LYRM7: variants seen among roughly 807,000 people sequenced by gnomAD.
The protein encoded by LYRM7 is complex III assembly factor LYRM7.
LYRM7 carries 9 observed loss-of-function variants against 15.8 expected under a neutral mutation model. The observed-to-expected ratio is 0.57, with a 90% CI of 0.34 to 0.99. The LOEUF (loss-of-function observed/expected upper bound fraction) is 0.99. Ranked by LOEUF, LYRM7 falls within the 50% of genes least tolerant of loss-of-function variation. The probability of loss-of-function intolerance (pLI) is 0.02; values close to 1 mark genes in which losing one functional copy is unlikely to be tolerated. For synonymous variants in LYRM7, 39 were observed against 39.4 expected, an observed-to-expected ratio of 0.99 and a Z score of 0.04; for missense variants, 115 against 119.1, an observed-to-expected ratio of 0.97 and a Z score of 0.16.
chr5:131,181,386 AT>A (rs1334019869), intron 2 of LYRM7, among the ~76,000 whole-genome samples: 1 of 97,728 alleles, frequency 1.0e-5, no homozygotes, highest in Non-Finnish European at 1.7e-5. Flanking sequence ...TATATAATAT[AT>A]ACATATATAT....
At position 131,180,169 on chromosome 5, in the gene LYRM7, T is replaced by G; in HGVS notation, c.91+2T>G. The G allele has an allele frequency of 1.2e-6, 2 of 1,604,620 alleles. No homozygotes were observed. Among genetic ancestry groups the G allele is most frequent in the Non-Finnish European group, 1.7e-6 (2 of 1,171,532 alleles). On this transcript the variant is annotated splice_donor_variant, in intron 2 of 4. Coordinates refer to ENST00000379380, the MANE Select transcript of LYRM7 (RefSeq NM_181705.4). LOFTEE classifies it high-confidence loss of function. ...AAAATGATGCCAGAGCATTAGAAGG[T>G]AAGTATGTTCTTTACCCCTTTGGAG...
intron 2 of LYRM7, 40 bp from the exon 3 acceptor site, chr5:131,182,189 T>A (rs1233777764): frequency 7.4e-7 from 1 of 1,353,362 alleles, no homozygotes; most frequent in South Asian, 1.3e-5. Flanking sequence ...GAATTATAGA[T>A]TACAAAAGCG....
At chr5:131,191,177 A>G (rs1755881060) in intron 4 of LYRM7, among the ~76,000 whole-genome samples, 1 of 151,784 alleles carries the variant, frequency 6.6e-6, no homozygotes, top group African/African-American at 2.4e-5. Flanking sequence ...ATATATGTAT[A>G]CACACATATA....
At chr5:131,188,644 T>G (rs1755834919) in intron 4 of LYRM7, among the ~76,000 whole-genome samples, 1 of 152,214 alleles carries the variant, frequency 6.6e-6, no homozygotes, top group Non-Finnish European at 1.5e-5. Flanking sequence ...ATGTTCTGAA[T>G]ATAGAAATTT....
chr5:131,183,172 T>G (rs1347101683), intron 3 of LYRM7, among the ~76,000 whole-genome samples: 1 of 152,162 alleles, frequency 6.6e-6, no homozygotes, highest in Non-Finnish European at 1.5e-5. Context: ...GAAAATGCTA[T>G]TTTTGAAATA....
rs1476114475 is a variant in LYRM7 at position 131,202,486 on chromosome 5, T to G, written c.*2885T>G. 2 of 152,040 alleles carry G rather than the reference T, an allele frequency of 1.3e-5. No homozygotes were observed. The highest frequency in any genetic ancestry group is 2.4e-5 in the African/African-American group (1 of 41,394). 9.4% of individuals were successfully genotyped at this position (152,040 alleles called of 1,614,324 possible). On this transcript the variant is annotated 3_prime_UTR_variant, in exon 5 of 5. Transcript: ENST00000379380. The stretch of plus-strand genomic sequence containing the variant: ...TCCAGCCTGAGAGAACAAGACTCCG[T>G]CTCAAAAAAAGAAAAAAAGAAAACT...
intron 4 of LYRM7, among the ~76,000 whole-genome samples, chr5:131,198,159 T>TA (rs1245748830): frequency 6.6e-6 from 1 of 152,096 alleles, no homozygotes. Context: ...TTAGAGTATA[T>TA]TTTTTTAAGA....
rs952632477 is a variant in LYRM7, at chr5:131,190,165, G to C, written c.244+3056G>C. Among the ~76,000 whole-genome samples, 3 of 151,162 alleles carry C rather than the reference G, an allele frequency of 2.0e-5. No homozygotes were observed. In the South Asian group the frequency reaches 6.3e-4, roughly 32 times the overall value. On this transcript the variant is annotated intron_variant, in intron 4 of 4. Coordinates refer to ENST00000379380, the MANE Select transcript of LYRM7 (RefSeq NM_181705.4). ...AAAAAAAAAAGAAAAGAAAAAAAAAGAAATTATTAGATCTGAGTTATGGTT... is the reference window on the plus strand; with the variant it reads ...AAAAAAAAAAGAAAAGAAAAAAAAACAAATTATTAGATCTGAGTTATGGTT...
chr5:131,175,524 G>GTTTGT (rs367920351), intron 1 of LYRM7, among the ~76,000 whole-genome samples: 2,998 of 151,348 alleles, frequency 0.02, 95 homozygotes, highest in African/African-American at 0.066. Flanking sequence ...GGGTGTGTTT[G>GTTTGT]TTTGTTTTGT....
At chr5:131,197,286 A>G (rs1360968136) in intron 4 of LYRM7, among the ~76,000 whole-genome samples, 1 of 152,208 alleles carries the variant, frequency 6.6e-6, no homozygotes, top group African/African-American at 2.4e-5. Flanking sequence ...AAGTGAAACA[A>G]ATTATTGCCA....
chr5:131,191,428 A>G (rs1349437072), intron 4 of LYRM7, among the ~76,000 whole-genome samples: 1 of 152,154 alleles, frequency 6.6e-6, no homozygotes, highest in Non-Finnish European at 1.5e-5. Flanking sequence ...TAATAAAATG[A>G]AACTTCATTT....
At position 131,180,160 on chromosome 5, in the gene LYRM7, A is replaced by C; in HGVS notation, c.84A>C (p.Ala28=). The C allele has an allele frequency of 6.2e-7, 1 of 1,608,578 alleles. No individual in the cohort carries two copies. Residue 28 remains alanine, a synonymous_variant, in exon 2 of 5, where the codon GCA becomes GCC. Transcript: ENST00000379380. The part of the protein sequence containing the change: ...RQQVFKNDAR[A]LEAARIKINE... ...AAGTTTTTAAAAATGATGCCAGAGC[A>C]TTAGAAGGTAAGTATGTTCTTTACC...
At chr5:131,195,909 G>A (rs1032145948) in intron 4 of LYRM7, among the ~76,000 whole-genome samples, 2 of 152,072 alleles carry the variant, frequency 1.3e-5, no homozygotes, top group African/African-American at 4.8e-5. Context: ...CTCCACCTTA[G>A]AACAATGAGG....
chr5:131,181,151 C>T (rs1386821946), intron 2 of LYRM7, among the ~76,000 whole-genome samples: 1 of 148,712 alleles, frequency 6.7e-6, no homozygotes, highest in Non-Finnish European at 1.5e-5. Flanking sequence ...ATTAGCCGGG[C>T]ATGGTGGCAC....
intron 1 of LYRM7, among the ~76,000 whole-genome samples, chr5:131,176,005 C>G (rs971473068): frequency 2.0e-5 from 3 of 152,200 alleles, no homozygotes; most frequent in African/African-American, 7.2e-5. Flanking sequence ...AGCGATCCAC[C>G]CACCTCAGCT....
intron 1 of LYRM7, 103 bp downstream of exon 1, chr5:131,171,141 C>G: frequency 8.4e-7 from 1 of 1,195,468 alleles, no homozygotes; most frequent in East Asian, 3.1e-5. Flanking sequence ...GCTCCTGACC[C>G]TTTATGGAGG....
At chr5:131,186,995 G>C (rs1277507127) in intron 3 of LYRM7, 33 bp from the exon 4 acceptor site, 2 of 1,215,324 alleles carry the variant, frequency 1.6e-6, no homozygotes, top group Admixed American at 2.0e-5. Flanking sequence ...AACACCTAAA[G>C]GACTTACTCT....
chr5:131,195,160 C>T (rs562478051), intron 4 of LYRM7, among the ~76,000 whole-genome samples: 1 of 151,878 alleles, frequency 6.6e-6, no homozygotes, highest in African/African-American at 2.4e-5. Flanking sequence ...CCCAGCTACT[C>T]GGGAGGCTGA....
intron 3 of LYRM7, among the ~76,000 whole-genome samples, chr5:131,184,362 A>AT (rs1380753502): frequency 3.3e-5 from 5 of 151,224 alleles, no homozygotes; most frequent in East Asian, 3.9e-4. Context: ...GATAATTGTG[A>AT]TTTTTTCTTT....
Sources: allele counts gnomAD v4.1 joint callset (sites outside exome capture counted in the v4.1 genomes callset), GRCh38; gene constraint gnomAD v4.1.1; transcripts MANE v1.5; gene names NCBI Gene and HGNC (gene_info 2026-07-23, HGNC 2026-07-21).